Variants in VSTM4 observed in about 807,000 individuals in gnomAD.
VSTM4 encodes the protein V-set and transmembrane domain containing 4, also known as V-set and transmembrane domain-containing protein 4.
In VSTM4, 20 loss-of-function variants were observed where a neutral mutation model predicts 36.4. The ratio of observed to expected loss-of-function variants is 0.55; its 90% CI spans 0.39 to 0.80. VSTM4 has a LOEUF of 0.80. Ranked by LOEUF, VSTM4 falls within the 30% of genes least tolerant of loss-of-function variation. The pLI is 0.00. For missense variants in VSTM4, 392 were observed against 404.5 expected, an observed-to-expected ratio of 0.97 and a Z score of 0.26; for synonymous variants, 182 against 173.9, an observed-to-expected ratio of 1.05 and a Z score of -0.37.
intron 4 of VSTM4, among the ~76,000 whole-genome samples, chr10:49,071,426 C>T (rs1053075273): frequency 1.3e-5 from 2 of 152,178 alleles, no homozygotes; most frequent in Admixed American, 6.5e-5. Flanking sequence ...CCTGGCACTG[C>T]GGGCACAACA....
chr10:49,087,453 ATCTTGGTGAC>A (rs753597159), intron 2 of VSTM4, among the ~76,000 whole-genome samples: 11 of 152,170 alleles, frequency 7.2e-5, no homozygotes, highest in Non-Finnish European at 8.8e-5. Context: ...TATATAGAAA[ATCTTGGTGAC>A]TCTAGATAAA....
At chr10:49,039,346 C>T (rs957261505) in intron 7 of VSTM4, among the ~76,000 whole-genome samples, 1 of 152,056 alleles carries the variant, frequency 6.6e-6, no homozygotes, top group African/African-American at 2.4e-5. Flanking sequence ...CAGGAAGCCG[C>T]CTCATCCTGG....
Position 49,016,971 on chromosome 10 carries a change from AC to A in VSTM4, c.*2678del, listed in dbSNP as rs1843113627. ...GCCTGAAAGAAGCCACTGCACTCTA[AC>A]CAATGGGTTCATACTTCTTTTAGCT... is the stretch of plus-strand genomic sequence containing the variant. On this transcript the variant is annotated 3_prime_UTR_variant, in exon 8 of 8. Transcript: ENST00000332853. 1 of 152,318 alleles carries A rather than the reference AC, an allele frequency of 6.6e-6. No individual in the cohort carries two copies. The highest frequency in any genetic ancestry group is 1.5e-5 in the Non-Finnish European group (1 of 68,048). The allele number at this position is 152,318 out of a possible 1,614,324, so 9.4% of individuals were successfully genotyped here.
At chr10:49,039,263 C>T (rs749041896) in intron 7 of VSTM4, among the ~76,000 whole-genome samples, 1 of 151,962 alleles carries the variant, frequency 6.6e-6, no homozygotes, top group Non-Finnish European at 1.5e-5. Context: ...GGGGTCTCAG[C>T]AGGATGAGGG....
intron 5 of VSTM4, among the ~76,000 whole-genome samples, chr10:49,051,659 G>A (rs757493058): frequency 6.6e-6 from 1 of 152,206 alleles, no homozygotes; most frequent in Non-Finnish European, 1.5e-5. Context: ...GCCTCCCAAA[G>A]TGCTGGGATT....
chr10:49,025,205 A>G (rs1472653548), intron 7 of VSTM4, among the ~76,000 whole-genome samples: 1 of 152,190 alleles, frequency 6.6e-6, no homozygotes, highest in African/African-American at 2.4e-5. Context: ...TGCCCTGACT[A>G]TGTGACTGTG....
chr10:49,061,760 G>T (rs894940777), intron 5 of VSTM4, among the ~76,000 whole-genome samples: 2 of 151,966 alleles, frequency 1.3e-5, no homozygotes, highest in South Asian at 2.1e-4. Context: ...ATCTACTTAC[G>T]TCACTGTGTA....
chr10:49,090,797 G>T (rs571503579), intron 2 of VSTM4, among the ~76,000 whole-genome samples: 2 of 152,326 alleles, frequency 1.3e-5, no homozygotes, highest in African/African-American at 4.8e-5. Context: ...GGCAAATGCT[G>T]TGGGGCCCCT....
At chr10:49,020,297 A>C (rs948441985) in intron 7 of VSTM4, among the ~76,000 whole-genome samples, 5 of 152,188 alleles carry the variant, frequency 3.3e-5, no homozygotes, top group African/African-American at 1.2e-4. Context: ...CAGTGCTGGG[A>C]GAAAACCATG....
chr10:49,023,967 A>G (rs1554828901), intron 7 of VSTM4, among the ~76,000 whole-genome samples: 5 of 152,190 alleles, frequency 3.3e-5, no homozygotes, highest in Non-Finnish European at 5.9e-5. Flanking sequence ...TTTTACATTT[A>G]TATCCAGATG....
intron 2 of VSTM4, chr10:49,102,612 G>C: frequency 3.0e-6 from 3 of 985,318 alleles, no homozygotes; most frequent in Non-Finnish European, 2.4e-6. Flanking sequence ...GAAGATGAAA[G>C]CTGGATGTGG....
At chr10:49,033,657 G>A (rs541361698) in intron 7 of VSTM4, among the ~76,000 whole-genome samples, 5 of 152,296 alleles carry the variant, frequency 3.3e-5, no homozygotes, top group African/African-American at 1.2e-4. Context: ...AGTGCAGTGG[G>A]GAAGAACAGG....
chr10:49,099,229 G>A lies in VSTM4; in HGVS notation c.457+8365C>T, dbSNP rs114501102. Among the ~76,000 whole-genome samples the A allele has an allele frequency of 5.8e-4, 89 of 152,274 alleles. 1 individual carries two copies. Among genetic ancestry groups the A allele is most frequent in the Middle Eastern group, 3.4e-3 (1 of 294 alleles). On this transcript the variant is annotated intron_variant, in intron 2 of 7. Transcript: ENST00000332853. The stretch of plus-strand genomic sequence containing the variant: ...ACCAGCTGTTGAGATGCAGTCTCAC[G>A]TTGCAAATGCACGGCTGATTCGCTG...
At position 49,017,888 on chromosome 10, in the gene VSTM4, C is replaced by T. The variant is rs1021487867; in HGVS notation, c.*1762G>A. ...AATGGTGTGCTAACCATATATCCTC[C>T]CCTCCCAAAGAGATGCTCAAAGAAG... On this transcript the variant is annotated 3_prime_UTR_variant, in exon 8 of 8. Coordinates refer to ENST00000332853, the MANE Select transcript of VSTM4 (RefSeq NM_001031746.5). 1 of 152,172 alleles carries T rather than the reference C, an allele frequency of 6.6e-6. No individual in the cohort carries two copies. Among genetic ancestry groups the T allele is most frequent in the Non-Finnish European group, 1.5e-5 (1 of 68,036 alleles). 9.4% of individuals were successfully genotyped at this position (152,172 alleles called of 1,614,324 possible).
At chr10:49,088,600 A>C (rs1464126310) in intron 2 of VSTM4, among the ~76,000 whole-genome samples, 1 of 152,250 alleles carries the variant, frequency 6.6e-6, no homozygotes, top group Non-Finnish European at 1.5e-5. Flanking sequence ...CGGAGCCTAG[A>C]ACCTGCATAG....
chr10:49,061,313 T>G (rs1487817406), intron 5 of VSTM4, among the ~76,000 whole-genome samples: 6 of 152,134 alleles, frequency 3.9e-5, no homozygotes, highest in African/African-American at 1.4e-4. Context: ...ATGGTCTATT[T>G]TGATGAATGT....
chr10:49,067,032 T>A (rs1843986046), intron 4 of VSTM4, among the ~76,000 whole-genome samples: 1 of 152,162 alleles, frequency 6.6e-6, no homozygotes, highest in African/African-American at 2.4e-5. Flanking sequence ...GGGTAGGTAC[T>A]TTTTTTCTCA....
At chr10:49,079,089 C>G (rs1320660493) in intron 3 of VSTM4, among the ~76,000 whole-genome samples, 1 of 152,168 alleles carries the variant, frequency 6.6e-6, no homozygotes, top group Non-Finnish European at 1.5e-5. Flanking sequence ...ACCTCCACCT[C>G]CCAAAGTGCT....
At chr10:49,101,972 C>CG (rs1314111378) in intron 2 of VSTM4, among the ~76,000 whole-genome samples, 1 of 144,214 alleles carries the variant, frequency 6.9e-6, no homozygotes, top group East Asian at 1.9e-4. Flanking sequence ...TGTGTGTCTG[C>CG]GTGTGTGTGT....
Sources: gnomAD v4.1 joint callset for allele counts (sites outside exome capture counted in the v4.1 genomes callset) on GRCh38, gnomAD v4.1.1 for gene constraint, MANE v1.5 for transcripts, NCBI Gene and HGNC (gene_info 2026-07-23, HGNC 2026-07-21) for gene names.